Variants in OSBPL8 observed in about 807,000 individuals in gnomAD.
OSBPL8 encodes oxysterol-binding protein-related protein 8.
A neutral mutation model predicts 125.5 loss-of-function variants in OSBPL8; 59 were observed. The ratio of observed to expected loss-of-function variants is 0.47; its 90% CI spans 0.38 to 0.58. OSBPL8 has a LOEUF of 0.58. Among genes scored for constraint, OSBPL8 ranks in the 20% least tolerant of loss-of-function variants. OSBPL8 has a pLI of 0.00. For missense variants in OSBPL8, 758 were observed against 1,047.8 expected (o/e 0.72, Z 3.82); for synonymous variants, 330 against 338.9 (o/e 0.97, Z 0.29).
intron 2 of OSBPL8, among the ~76,000 whole-genome samples, chr12:76,478,078 T>C (rs1457985549): frequency 2.6e-5 from 4 of 151,936 alleles, no homozygotes; most frequent in African/African-American, 9.7e-5. Context: ...GTGGTGCGCC[T>C]GTAATCCCAG....
intron 22 of OSBPL8, among the ~76,000 whole-genome samples, chr12:76,357,375 T>C (rs928838965): frequency 6.6e-6 from 1 of 152,204 alleles, no homozygotes; most frequent in African/African-American, 2.4e-5. Flanking sequence ...TGATACATTA[T>C]AGTAATATAG....
Sources: gnomAD v4.1 joint callset for allele counts (sites outside exome capture counted in the v4.1 genomes callset) on GRCh38, gnomAD v4.1.1 for gene constraint, MANE v1.5 for transcripts, NCBI Gene and HGNC (gene_info 2026-07-23, HGNC 2026-07-21) for gene names.